The following PACRG variants were observed in gnomAD, a reference collection of about 807,000 sequenced individuals.
PACRG encodes parkin coregulated, also known as parkin coregulated gene protein.
Under a neutral mutation model 29.7 loss-of-function variants are expected in PACRG, and 29 were observed. The observed-to-expected ratio is 0.98, with a 90% CI of 0.73 to 1.33. The LOEUF is 1.33. Among genes scored for constraint, PACRG ranks in the 40% most tolerant of loss-of-function variants. The pLI is 0.00. For missense variants in PACRG, 279 were observed against 316.2 expected, an observed-to-expected ratio of 0.88 and a Z score of 0.89; for synonymous variants, 116 against 118.7, an observed-to-expected ratio of 0.98 and a Z score of 0.15.
chr6:162,958,773 CATAA>C (rs1304873537), intron 2 of PACRG, among the ~76,000 whole-genome samples: 1 of 145,078 alleles, frequency 6.9e-6, no homozygotes, highest in African/African-American at 2.6e-5. Flanking sequence ...TACACATACA[CATAA>C]ATATACATAT....
At chr6:162,958,560 C>T (rs1481112058) in intron 2 of PACRG, among the ~76,000 whole-genome samples, 2 of 151,864 alleles carry the variant, frequency 1.3e-5, no homozygotes, top group South Asian at 2.1e-4. Flanking sequence ...TAAAAGTATG[C>T]TTTGCTTTTA....
intron 2 of PACRG, among the ~76,000 whole-genome samples, chr6:162,933,492 A>G (rs1798002527): frequency 6.6e-6 from 1 of 150,492 alleles, no homozygotes; most frequent in African/African-American, 2.4e-5. Context: ...TTTAGCTAAT[A>G]TTTGCATTAC....
chr6:162,947,716 AT>A (rs2128129075), intron 2 of PACRG, among the ~76,000 whole-genome samples: 1 of 143,386 alleles, frequency 7.0e-6, no homozygotes, highest in Non-Finnish European at 1.5e-5. Context: ...AGGATACAAA[AT>A]CAACATGCAA....
chr6:162,895,779 T>A (rs1243163045), intron 2 of PACRG, among the ~76,000 whole-genome samples: 1 of 152,224 alleles, frequency 6.6e-6, no homozygotes, highest in African/African-American at 2.4e-5. Context: ...ATCTGATTAT[T>A]ACTCACAGGA....
intron 2 of PACRG, among the ~76,000 whole-genome samples, chr6:162,863,997 C>T (rs1322387349): frequency 6.6e-6 from 1 of 152,106 alleles, no homozygotes; most frequent in East Asian, 1.9e-4. Context: ...TTTGATGCAT[C>T]TGTTTTCTCT....
chr6:162,906,552 G>A (rs1795946008), intron 2 of PACRG, among the ~76,000 whole-genome samples: 1 of 152,182 alleles, frequency 6.6e-6, no homozygotes, highest in Non-Finnish European at 1.5e-5. Flanking sequence ...CTTAATATTG[G>A]TGATCACGAC....
rs574325656 is a variant in PACRG, at chr6:163,165,710, G to C, written c.613+76302G>C. ...GGGCTCAAATTCAAGCCTTCAAGTC[G>C]GTTCACCCTGTCCAGGCTTCGGGAA... On this transcript the variant is annotated intron_variant, in intron 4 of 4. Transcript: ENST00000366888. 4.7e-5 allele frequency: 11 copies of C among 232,830 alleles called. No homozygotes were observed. In the South Asian group the frequency reaches 6.0e-4, roughly 13 times the overall value. 14.4% of individuals were successfully genotyped at this position (232,830 alleles called of 1,614,324 possible).
At chr6:163,091,820 G>A (rs1814133360) in intron 4 of PACRG, among the ~76,000 whole-genome samples, 1 of 152,064 alleles carries the variant, frequency 6.6e-6, no homozygotes, top group South Asian at 2.1e-4. Flanking sequence ...AAGAAAGCCT[G>A]CTTTATGATA....
intron 4 of PACRG, chr6:163,101,125 T>A: frequency 2.0e-6 from 2 of 983,210 alleles, no homozygotes; most frequent in Non-Finnish European, 2.4e-6. Context: ...AATTTAGATT[T>A]TGCATACCAA....
chr6:163,095,637 C>G (rs1814508611), intron 4 of PACRG, among the ~76,000 whole-genome samples: 1 of 149,404 alleles, frequency 6.7e-6, no homozygotes, highest in African/African-American at 2.6e-5. Flanking sequence ...AGCTCCTTGG[C>G]TTGTGGATGA....
chr6:163,055,212 G>A lies in PACRG; in HGVS notation c.292-6938G>A, dbSNP rs1437296472. Among the ~76,000 whole-genome samples the A allele has an allele frequency of 1.3e-5, 2 of 152,140 alleles. No homozygotes were observed. The highest frequency in any genetic ancestry group is 2.9e-5 in the Non-Finnish European group (2 of 68,012). On this transcript the variant is annotated intron_variant, in intron 2 of 4. Transcript: ENST00000366888. The surrounding 1 kb of genome is among the most constrained non-coding windows in gnomAD (Gnocchi z 4.0). ...ATGGAGCGGGGACCGGGGACAGTGT[G>A]GAAATGGAGCCGTGACTGGGGATAG...
chr6:163,144,336 A>G (rs556420532), intron 4 of PACRG, among the ~76,000 whole-genome samples: 39 of 103,794 alleles, frequency 3.8e-4, no homozygotes, highest in African/African-American at 1.7e-3. Context: ...ACACACATAC[A>G]CACACATACA....
chr6:162,820,647 T>TA (rs11407344), intron 2 of PACRG, among the ~76,000 whole-genome samples: 34,955 of 151,988 alleles, frequency 0.23, 5,456 homozygotes, highest in African/African-American at 0.41. Flanking sequence ...TTAAGGATTT[T>TA]AAAAAAATAA....
chr6:162,861,159 A>T (rs1250328843), intron 2 of PACRG, among the ~76,000 whole-genome samples: 1 of 152,228 alleles, frequency 6.6e-6, no homozygotes, highest in Non-Finnish European at 1.5e-5. Flanking sequence ...ATATAACTTC[A>T]TACACATGCA....
intron 2 of PACRG, among the ~76,000 whole-genome samples, chr6:162,957,806 A>G (rs926788224): frequency 6.6e-6 from 1 of 152,180 alleles, no homozygotes; most frequent in African/African-American, 2.4e-5. Flanking sequence ...CATAAAGGAC[A>G]TATATCTAGC....
intron 2 of PACRG, among the ~76,000 whole-genome samples, chr6:162,885,223 C>T (rs1031450789): frequency 7.4e-6 from 1 of 135,486 alleles, no homozygotes; most frequent in East Asian, 2.1e-4. Flanking sequence ...AGAGTTTGGC[C>T]TTTTGAGTAA....
chr6:163,233,584 G>A (rs1357895280), intron 4 of PACRG, among the ~76,000 whole-genome samples: 3 of 152,218 alleles, frequency 2.0e-5, no homozygotes, highest in Non-Finnish European at 4.4e-5. Flanking sequence ...TTAACATCAA[G>A]ATGGGAAGGG....
At chr6:163,002,631 A>C (rs1158139485) in intron 2 of PACRG, among the ~76,000 whole-genome samples, 2 of 152,210 alleles carry the variant, frequency 1.3e-5, no homozygotes, top group African/African-American at 4.8e-5. Flanking sequence ...TAGTTAATGA[A>C]AGAAATGTCT....
chr6:162,780,009 G>A (rs1783970173), intron 1 of PACRG, among the ~76,000 whole-genome samples: 1 of 152,164 alleles, frequency 6.6e-6, no homozygotes, highest in South Asian at 2.1e-4. Flanking sequence ...AGGAAGTTAA[G>A]TCGGCTAGAA....
Sources: allele counts gnomAD v4.1 joint callset (sites outside exome capture counted in the v4.1 genomes callset), GRCh38; gene constraint gnomAD v4.1.1; non-coding constraint Gnocchi (gnomAD v3.1); transcripts MANE v1.5; gene names NCBI Gene and HGNC (gene_info 2026-07-23, HGNC 2026-07-21).